Variants in TACC2 observed in about 807,000 individuals in gnomAD.
TACC2 encodes transforming acidic coiled-coil containing protein 2.
A neutral mutation model predicts 227.3 loss-of-function variants in TACC2; 137 were observed. The observed-to-expected ratio is 0.60, with a 90% CI of 0.52 to 0.69. The LOEUF (loss-of-function observed/expected upper bound fraction) is 0.69. Ranked by LOEUF, TACC2 falls within the 30% of genes least tolerant of loss-of-function variation. The pLI, the probability that TACC2 is intolerant of heterozygous loss-of-function variation, is 0.00. For missense variants in TACC2, 3,470 were observed against 3,694.4 expected, an observed-to-expected ratio of 0.94 and a Z score of 1.57; for synonymous variants, 1,523 against 1,487.5, an observed-to-expected ratio of 1.02 and a Z score of -0.55.
At chr10:122,036,284 C>A (rs1960325200) in intron 2 of TACC2, among the ~76,000 whole-genome samples, 1 of 151,594 alleles carries the variant, frequency 6.6e-6, no homozygotes, top group South Asian at 2.1e-4. Flanking sequence ...GCTCTGCCTC[C>A]TGGATTCACG....
At chr10:122,105,095 C>T (rs762847036) in intron 5 of TACC2, among the ~76,000 whole-genome samples, 17 of 152,228 alleles carry the variant, frequency 1.1e-4, no homozygotes, top group Non-Finnish European at 1.5e-4. Context: ...GTGCCCCTAA[C>T]AGGACGCTCC....
At chr10:122,213,408 T>G (rs778051032) in intron 9 of TACC2, 3 of 1,609,004 alleles carry the variant, frequency 1.9e-6, no homozygotes, top group Non-Finnish European at 2.5e-6. Flanking sequence ...CTGCCTCTTA[T>G]GCCAAATGTG....
chr10:122,025,009 A>G (rs1488037506), intron 2 of TACC2, among the ~76,000 whole-genome samples: 1 of 152,182 alleles, frequency 6.6e-6, no homozygotes, highest in Non-Finnish European at 1.5e-5. Context: ...GAGTTGCTAA[A>G]GCATTTTTCA....
intron 8 of TACC2, among the ~76,000 whole-genome samples, chr10:122,199,850 C>T (rs915178728): frequency 1.3e-5 from 2 of 152,180 alleles, no homozygotes; most frequent in Admixed American, 6.5e-5. Flanking sequence ...ACAGCACCTC[C>T]TCCCTGTGTC....
At chr10:122,244,612 G>A (rs1489411741) in intron 19 of TACC2, among the ~76,000 whole-genome samples, 1 of 152,070 alleles carries the variant, frequency 6.6e-6, no homozygotes, top group Admixed American at 6.5e-5. Context: ...TCCATGCTTG[G>A]TAACATGCCC....
In TACC2 at chr10:122,241,960, A is replaced by G. The variant is rs370762796; in HGVS notation, c.8351A>G (p.Lys2784Arg). The change falls in exon 19 of 23, where the codon AAA becomes AGA. Residue 2784 changes from lysine to arginine, a missense_variant and splice_region_variant. Lys to Arg is a conservative substitution (Grantham distance 26). Coordinates refer to ENST00000369005, the MANE Select transcript of TACC2 (RefSeq NM_206862.4). ...ESRREVMEMR[K>R]IVAEYEKTIA... ...ACGTGTCTTTACTTCTCTTATAGGA[A>G]AATAGTGGCCGAGTATGAGAAGACC... 1.9e-6 allele frequency: 3 copies of G among 1,614,166 alleles called. No individual in the cohort carries two copies. In the African/African-American group the frequency reaches 4.0e-5, roughly 22 times the overall value.
intron 3 of TACC2, among the ~76,000 whole-genome samples, chr10:122,081,023 A>T (rs551919327): frequency 6.6e-6 from 1 of 152,328 alleles, no homozygotes; most frequent in South Asian, 2.1e-4. Flanking sequence ...TTGTTAATAG[A>T]ATATATATGA....
intron 16 of TACC2, among the ~76,000 whole-genome samples, chr10:122,234,294 C>G (rs1029276623): frequency 6.6e-6 from 1 of 152,218 alleles, no homozygotes; most frequent in African/African-American, 2.4e-5. Flanking sequence ...GTGACAGTGG[C>G]CAGAGGTTCT....
At chr10:122,016,923 G>A (rs915632320) in intron 1 of TACC2, among the ~76,000 whole-genome samples, 11 of 152,308 alleles carry the variant, frequency 7.2e-5, no homozygotes, top group African/African-American at 2.6e-4. Flanking sequence ...GTTGTCCTTA[G>A]AAGAAGAGAT....
At chr10:122,152,248 A>G (rs1174326416) in intron 7 of TACC2, among the ~76,000 whole-genome samples, 1 of 152,204 alleles carries the variant, frequency 6.6e-6, no homozygotes, top group African/African-American at 2.4e-5. Flanking sequence ...AAAGAATTAC[A>G]GGGTCCTGCC....
In TACC2 at chr10:122,085,389, T is replaced by A; in HGVS notation, c.2889T>A (p.Pro963=). The A allele has an allele frequency of 6.2e-7, 1 of 1,613,956 alleles. No individual in the cohort carries two copies. Among genetic ancestry groups the A allele is most frequent in the South Asian group, 1.1e-5 (1 of 91,080 alleles). Residue 963 remains proline, a synonymous_variant, in exon 4 of 23, where the codon CCT becomes CCA. Coordinates refer to ENST00000369005, the MANE Select transcript of TACC2 (RefSeq NM_206862.4). Reference sequence around the variant, plus strand: ...ATGGTCAGTCCTCGAGGGTCTCGCCTCCAGCAGCAGATGTCTTAAAAGACT... The same window carrying A: ...ATGGTCAGTCCTCGAGGGTCTCGCCACCAGCAGCAGATGTCTTAAAAGACT... ...CGDGQSSRVS[P]PAADVLKDFS...
At chr10:122,053,446 A>G (rs986979190) in intron 3 of TACC2, among the ~76,000 whole-genome samples, 6 of 151,904 alleles carry the variant, frequency 3.9e-5, no homozygotes, top group African/African-American at 1.5e-4. Context: ...CAGCCAAACC[A>G]TTATCACCCA....
At chr10:121,997,301 G>T (rs976624338) in intron 1 of TACC2, among the ~76,000 whole-genome samples, 1 of 152,098 alleles carries the variant, frequency 6.6e-6, no homozygotes, top group Admixed American at 6.5e-5. Flanking sequence ...TGGTCTGAGG[G>T]TGGATGGATC....
At chr10:122,225,207 A>C (rs2095602761) in intron 12 of TACC2, among the ~76,000 whole-genome samples, 1 of 152,188 alleles carries the variant, frequency 6.6e-6, no homozygotes, top group Non-Finnish European at 1.5e-5. Context: ...TATGATGGGC[A>C]CTGTCTTTCC....
In TACC2 at chr10:122,210,283, C is replaced by T. The variant is rs1565627221; in HGVS notation, c.5972-114C>T. ...TACACACAGTGATGGGCGGGGTGGC[C>T]TGGGGCCGTGGTTTGTCAACCCCTA... On this transcript the variant is annotated intron_variant, in intron 8 of 22. Coordinates refer to ENST00000369005, the MANE Select transcript of TACC2 (RefSeq NM_206862.4). This position sits in a 1 kb window ranked among gnomAD's most constrained non-coding sequence, Gnocchi z 4.6. 1 of 817,348 alleles carries T rather than the reference C, an allele frequency of 1.2e-6. No homozygotes were observed. The allele number at this position is 817,348 out of a possible 1,614,324, so 50.6% of individuals were successfully genotyped here.
At chr10:122,145,333 C>G (rs2091232934) in intron 7 of TACC2, among the ~76,000 whole-genome samples, 1 of 152,138 alleles carries the variant, frequency 6.6e-6, no homozygotes, top group African/African-American at 2.4e-5. Context: ...ATTACTCACC[C>G]ATAAAAAGGA....
At chr10:122,100,529 C>T (rs2082016639) in intron 5 of TACC2, among the ~76,000 whole-genome samples, 1 of 151,382 alleles carries the variant, frequency 6.6e-6, no homozygotes, top group African/African-American at 2.4e-5. Context: ...GTTCAAGCAG[C>T]TCTCCTGCCT....
chr10:122,014,751 T>G (rs1470414821), intron 1 of TACC2, among the ~76,000 whole-genome samples: 2 of 152,166 alleles, frequency 1.3e-5, no homozygotes, highest in Non-Finnish European at 2.9e-5. Flanking sequence ...CTTGGTCATC[T>G]TGGCCATGGT....
intron 5 of TACC2, among the ~76,000 whole-genome samples, chr10:122,091,929 T>G (rs977840585): frequency 7.2e-5 from 11 of 152,186 alleles, no homozygotes; most frequent in Admixed American, 7.2e-4. Context: ...TAACCTCAGT[T>G]TGTTCATCTG....
Sources: allele counts gnomAD v4.1 joint callset (sites outside exome capture counted in the v4.1 genomes callset), GRCh38; gene constraint gnomAD v4.1.1; non-coding constraint Gnocchi (gnomAD v3.1); transcripts MANE v1.5; gene names NCBI Gene and HGNC (gene_info 2026-07-23, HGNC 2026-07-21).